The following PCDHA3 variants were observed in gnomAD, a reference collection of about 807,000 sequenced individuals.
PCDHA3 encodes the protein protocadherin alpha-3.
PCDHA3 carries 41 observed loss-of-function variants against 62.2 expected under a neutral mutation model. The observed-to-expected ratio is 0.66, with a 90% CI of 0.51 to 0.86. The LOEUF (loss-of-function observed/expected upper bound fraction) is 0.86, where lower values mean the gene tolerates loss of function less well. Ranked by LOEUF, PCDHA3 falls within the 40% of genes least tolerant of loss-of-function variation. The probability of loss-of-function intolerance (pLI) is 0.00; values close to 1 mark genes in which losing one functional copy is unlikely to be tolerated. For missense variants in PCDHA3, 1,304 were observed against 1,241.2 expected (o/e 1.05, Z -0.76); for synonymous variants, 640 against 555.4 (o/e 1.15, Z -2.14).
At chr5:141,003,543 C>T (rs2098129407) in intron 3 of PCDHA3, among the ~76,000 whole-genome samples, 1 of 152,108 alleles carries the variant, frequency 6.6e-6, no homozygotes, top group Non-Finnish European at 1.5e-5. Context: ...GAACTCCTGG[C>T]TTCAAGTGAT....
intron 1 of PCDHA3, chr5:140,824,152 A>G (rs184380215): frequency 1.9e-6 from 3 of 1,611,614 alleles, no homozygotes; most frequent in Middle Eastern, 1.7e-4. Context: ...ATTAACATCC[A>G]TCTTTCCCTC....
rs1554156315 is a variant in PCDHA3 at position 140,862,411 on chromosome 5, A to C, written c.2394+58820A>C. ...CTTCAAGCTGGTGTCTACCTTCAAA[A>C]GGCGCTGCCCAGAAACTATTCGTTG... On this transcript the variant is annotated intron_variant, in intron 1 of 3. Transcript: ENST00000522353. 3 of 349,868 alleles carry C rather than the reference A, an allele frequency of 8.6e-6. No individual in the cohort carries two copies. The Admixed American group carries it at 1.1e-4, about 13-fold the overall frequency. The allele number at this position is 349,868 out of a possible 1,614,324, so 21.7% of individuals were successfully genotyped here.
chr5:140,821,334 T>C (rs1440362133), intron 1 of PCDHA3, among the ~76,000 whole-genome samples: 1 of 152,214 alleles, frequency 6.6e-6, no homozygotes, highest in African/African-American at 2.4e-5. Flanking sequence ...CTAGTAAGGA[T>C]TGGGGTTTCA....
At chr5:140,830,488 A>C in intron 1 of PCDHA3, 1 of 1,494,964 alleles carries the variant, frequency 6.7e-7, no homozygotes, top group Middle Eastern at 1.8e-4. Flanking sequence ...ATGCCAAAGT[A>C]AGTGAATTTT....
chr5:141,004,037 G>C (rs946974688), intron 3 of PCDHA3, among the ~76,000 whole-genome samples: 1 of 152,200 alleles, frequency 6.6e-6, no homozygotes, highest in African/African-American at 2.4e-5. Context: ...TTCCTTGATT[G>C]ATCATTTGCT....
intron 1 of PCDHA3, chr5:140,841,826 A>T: frequency 6.2e-7 from 1 of 1,613,900 alleles, no homozygotes; most frequent in Non-Finnish European, 8.5e-7. Flanking sequence ...CTCCGTGTTA[A>T]CCTACAGGCT....
At chr5:140,956,195 G>A (rs1324151692) in intron 1 of PCDHA3, among the ~76,000 whole-genome samples, 1 of 152,178 alleles carries the variant, frequency 6.6e-6, no homozygotes, top group Non-Finnish European at 1.5e-5. Flanking sequence ...CTGAATAGGA[G>A]TGGTGAAAGA....
chr5:140,816,012 A>C (rs2126668745), intron 1 of PCDHA3: 1 of 152,226 alleles, frequency 6.6e-6, no homozygotes, highest in East Asian at 1.9e-4. Flanking sequence ...CTAAATTCTT[A>C]ACATTTCTTG....
intron 1 of PCDHA3, chr5:140,858,267 C>G: frequency 6.3e-7 from 1 of 1,597,232 alleles, no homozygotes; most frequent in Non-Finnish European, 8.6e-7. Context: ...CTGGTGTGCT[C>G]TAGCGCGGTG....
chr5:140,907,087 G>A (rs1554192866), intron 1 of PCDHA3, among the ~76,000 whole-genome samples: 2 of 152,194 alleles, frequency 1.3e-5, no homozygotes, highest in Non-Finnish European at 2.9e-5. Flanking sequence ...GTGATGGTAA[G>A]TGGTGCCACT....
At chr5:140,919,716 A>G (rs1166757941) in intron 1 of PCDHA3, among the ~76,000 whole-genome samples, 1 of 152,214 alleles carries the variant, frequency 6.6e-6, no homozygotes, top group East Asian at 1.9e-4. Flanking sequence ...CTAGTGAGAT[A>G]TAAATATGTT....
At chr5:140,810,721 G>T (rs1764719603) in intron 1 of PCDHA3, 3 of 150,392 alleles carry the variant, frequency 2.0e-5, no homozygotes, top group South Asian at 2.1e-4. Flanking sequence ...TCCTTATCTT[G>T]TTTTTCTTAT....
chr5:140,855,192 C>T (rs2150331288), intron 1 of PCDHA3, among the ~76,000 whole-genome samples: 1 of 149,878 alleles, frequency 6.7e-6, no homozygotes, highest in South Asian at 2.1e-4. Context: ...AAATTGAGGC[C>T]TGAGAATAGT....
At chr5:140,959,203 G>A (rs1554223942) in intron 1 of PCDHA3, among the ~76,000 whole-genome samples, 1 of 152,128 alleles carries the variant, frequency 6.6e-6, no homozygotes. Context: ...ATGGTGAAAT[G>A]CTGTCCTTAC....
intron 1 of PCDHA3, among the ~76,000 whole-genome samples, chr5:140,909,491 A>T (rs1031839388): frequency 1.3e-5 from 2 of 152,218 alleles, no homozygotes; most frequent in Non-Finnish European, 2.9e-5. Flanking sequence ...GGAGAGCTGA[A>T]CGGGGATGTG....
At chr5:140,848,272 A>G (rs1781411932) in intron 1 of PCDHA3, 2 of 538,068 alleles carry the variant, frequency 3.7e-6, no homozygotes, top group Non-Finnish European at 6.6e-6. Context: ...TATTCATGAA[A>G]TATGTACTTA....
At chr5:140,816,435 C>T (rs2126671679) in intron 1 of PCDHA3, 10 of 151,984 alleles carry the variant, frequency 6.6e-5, no homozygotes, top group African/African-American at 1.2e-4. Flanking sequence ...ATCTTTATGA[C>T]AATTATTTTG....
At chr5:140,875,561 A>G in intron 1 of PCDHA3, 1 of 1,614,128 alleles carries the variant, frequency 6.2e-7, no homozygotes, top group Non-Finnish European at 8.5e-7. Flanking sequence ...GGGAGCGGCC[A>G]GCTCCACTAC....
chr5:140,981,459 A>C (rs1267670163), intron 2 of PCDHA3, among the ~76,000 whole-genome samples: 1 of 152,176 alleles, frequency 6.6e-6, no homozygotes, highest in Non-Finnish European at 1.5e-5. Context: ...CTGTAGTCCC[A>C]GCTACTTGGG....
Sources: allele counts gnomAD v4.1 joint callset (sites outside exome capture counted in the v4.1 genomes callset), GRCh38; gene constraint gnomAD v4.1.1; transcripts MANE v1.5; gene names NCBI Gene and HGNC (gene_info 2026-07-23, HGNC 2026-07-21).